CTSL: variants seen among roughly 807,000 people sequenced by gnomAD.
The protein encoded by CTSL is procathepsin L.
CTSL carries 23 observed loss-of-function variants against 34.7 expected under a neutral mutation model. That is an observed-to-expected ratio of 0.66 (90% CI 0.48 to 0.94). The LOEUF is 0.94. Ranked by LOEUF, CTSL falls within the 40% of genes least tolerant of loss-of-function variation. The pLI is 0.00. For synonymous variants in CTSL, 129 were observed against 136.7 expected, an observed-to-expected ratio of 0.94 and a Z score of 0.39; for missense variants, 361 against 406.3, an observed-to-expected ratio of 0.89 and a Z score of 0.96.
Position 87,730,388 on chromosome 9 carries a change from T to C in CTSL, c.792T>C (p.Tyr264=), listed in dbSNP as rs1436103234. 1 of 1,608,248 alleles carries C rather than the reference T, an allele frequency of 6.2e-7. No individual in the cohort carries two copies. Among genetic ancestry groups the C allele is most frequent in the Non-Finnish European group, 8.5e-7 (1 of 1,178,014 alleles). Residue 264 remains tyrosine, a synonymous_variant, in exon 7 of 8, where the codon TAT becomes TAC. Transcript: ENST00000343150. ...ESFLFYKEGI[Y]FEPDCSSEDM... is the part of the protein sequence containing the mutation. ...CTCATTTTACCATCCCAGGCATTTATTTTGAGCCAGACTGTAGCAGTGAAG... is the reference window on the plus strand; with the variant it reads ...CTCATTTTACCATCCCAGGCATTTACTTTGAGCCAGACTGTAGCAGTGAAG...
rs1046050407 is a variant in CTSL at position 87,726,134 on chromosome 9, G to C, written c.-275G>C. 1 of 152,310 alleles carries C rather than the reference G, an allele frequency of 6.6e-6. No individual in the cohort carries two copies. Among genetic ancestry groups the C allele is most frequent in the Non-Finnish European group, 1.5e-5 (1 of 68,126 alleles). 9.4% of individuals were successfully genotyped at this position (152,310 alleles called of 1,614,324 possible). A position where few individuals can be genotyped will look rare whatever the true frequency, so the allele number is the denominator to read the frequency against. ...AAGCTGGGCCAGAACCGCGACCTCC[G>C]CAACCTTGAGCGGCATCCGTGGAGT... On this transcript the variant is annotated 5_prime_UTR_variant, in exon 1 of 8. Coordinates refer to ENST00000343150, the MANE Select transcript of CTSL (RefSeq NM_001912.5).
rs1826239508 is a variant in CTSL at position 87,731,044 on chromosome 9, G to T, written c.939G>T (p.Lys313Asn). 6.2e-7 allele frequency: 1 copy of T among 1,613,992 alleles called. No individual in the cohort carries two copies. The highest frequency in any genetic ancestry group is 8.5e-7 in the Non-Finnish European group (1 of 1,180,000). ...GEEWGMGGYVKMAKDRRNHCG... is the reference protein window; with the variant it reads ...GEEWGMGGYVNMAKDRRNHCG... ...AATGGGGCATGGGTGGCTACGTAAA[G>T]ATGGCCAAAGACCGGAGAAACCATT... Residue 313 changes from lysine (K) to asparagine (N), a missense_variant, in exon 8 of 8, where the codon AAG (lysine) becomes AAT (asparagine). Lys to Asn is a moderately conservative substitution (Grantham distance 94, BLOSUM62 0). Coordinates refer to ENST00000343150, the MANE Select transcript of CTSL (RefSeq NM_001912.5).
chr9:87,726,688 G>A (rs1207763290), intron 1 of CTSL, among the ~76,000 whole-genome samples: 3 of 152,154 alleles, frequency 2.0e-5, no homozygotes, highest in Admixed American at 6.5e-5. Flanking sequence ...AATGAAGGAG[G>A]GAGCAGTGCG....
chr9:87,728,700 G>C lies in CTSL; in HGVS notation c.512G>C (p.Gly171Ala). ...LSEQNLVDCS[G>A]PQGNEGCNGG... is the part of the protein sequence containing the mutation. ...GAGCAGAATCTGGTAGACTGCTCTGGGCCTCAAGGCAATGAAGGCTGCAAT... is the reference window on the plus strand; with the variant it reads ...GAGCAGAATCTGGTAGACTGCTCTGCGCCTCAAGGCAATGAAGGCTGCAAT... Residue 171 changes from glycine (G) to alanine (A), a missense_variant, in exon 5 of 8, where the codon GGG becomes GCG. Transcript: ENST00000343150. 1 of 1,614,072 alleles carries C rather than the reference G, an allele frequency of 6.2e-7. No homozygotes were observed. Among genetic ancestry groups the C allele is most frequent in the Non-Finnish European group, 8.5e-7 (1 of 1,180,022 alleles).
In CTSL at chr9:87,728,046, G is replaced by C. The variant is rs1826094786; in HGVS notation, c.146G>C (p.Arg49Thr). 6.2e-7 allele frequency: 1 copy of C among 1,613,714 alleles called. No individual in the cohort carries two copies. The highest frequency in any genetic ancestry group is 1.7e-5 in the Admixed American group (1 of 59,990). ...LYGMNEEGWRRAVWEKNMKMI... is the reference protein window; with the variant it reads ...LYGMNEEGWRTAVWEKNMKMI... ...CTCTAGAATGAAGAAGGATGGAGGA[G>C]AGCAGTGTGGGAGAAGAACATGAAG... Residue 49 changes from arginine to threonine, a missense_variant, in exon 3 of 8, where the codon AGA becomes ACA. Arg to Thr is a moderately conservative substitution (Grantham distance 71, BLOSUM62 -1). Coordinates refer to ENST00000343150, the MANE Select transcript of CTSL (RefSeq NM_001912.5).
In CTSL at chr9:87,731,100, CTG is replaced by C; in HGVS notation, c.1000_1001del (p.Ter334SerfsTer42). ...ATTGCCTCAGCAGCCAGCTACCCCA[CTG>C]TGTGAGCTGGTGGACGGTGATGAGG... On this transcript the variant is annotated frameshift_variant, in exon 8 of 8. Coordinates refer to ENST00000343150, the MANE Select transcript of CTSL (RefSeq NM_001912.5). LOFTEE classifies it high-confidence loss of function. 6.2e-7 allele frequency: 1 copy of C among 1,613,186 alleles called. No individual in the cohort carries two copies. Among genetic ancestry groups the C allele is most frequent in the Non-Finnish European group, 8.5e-7 (1 of 1,179,304 alleles).
intron 6 of CTSL, 90 bp from the exon 7 acceptor site, chr9:87,730,289 CAG>C (rs1826207329): frequency 1.4e-6 from 1 of 721,232 alleles, no homozygotes; most frequent in Non-Finnish European, 2.3e-6. Flanking sequence ...TCACTGAATT[CAG>C]AGATGCCTCA....
chr9:87,726,858 CATGGTGAAACCCCGTCTCTACTGAAA>C, intron 1 of CTSL, among the ~76,000 whole-genome samples: 1 of 152,052 alleles, frequency 6.6e-6, no homozygotes, highest in Non-Finnish European at 1.5e-5. Flanking sequence ...GCCTGGCCAA[CATGGTGAAACCCCGTCTCTACTGAAA>C]ATACAAAATT....
At position 87,728,819 on chromosome 9, in the gene CTSL, G is replaced by A; in HGVS notation, c.621+10G>A. 6.2e-7 allele frequency: 1 copy of A among 1,614,194 alleles called. No individual in the cohort carries two copies. Among genetic ancestry groups the A allele is most frequent in the African/African-American group, 1.3e-5 (1 of 75,038 alleles). Reference sequence around the variant, plus strand: ...TCCATATGAGGCAACAGTAAGTGGAGCTCCTTGTCATCATTCCAGCTCAGC... The same window carrying A: ...TCCATATGAGGCAACAGTAAGTGGAACTCCTTGTCATCATTCCAGCTCAGC... On this transcript the variant is annotated intron_variant, in intron 5 of 7. Coordinates refer to ENST00000343150, the MANE Select transcript of CTSL (RefSeq NM_001912.5).
At position 87,728,343 on chromosome 9, in the gene CTSL, C is replaced by A. The variant is rs778182078; in HGVS notation, c.343C>A (p.Pro115Thr). 1.9e-6 allele frequency: 3 copies of A among 1,614,122 alleles called. No individual in the cohort carries two copies. Among genetic ancestry groups the A allele is most frequent in the Non-Finnish European group, 2.5e-6 (3 of 1,180,022 alleles). The change falls in exon 4 of 8, where the codon CCC becomes ACC. Residue 115 changes from proline (P) to threonine (T), a missense_variant. Transcript: ENST00000343150. ...CCAGGAACCTCTGTTTTATGAGGCCCCCAGATCTGTGGATTGGAGAGAGAA... is the reference window on the plus strand; with the variant it reads ...CCAGGAACCTCTGTTTTATGAGGCCACCAGATCTGTGGATTGGAGAGAGAA... ...VFQEPLFYEA[P>T]RSVDWREKGY...
intron 4 of CTSL, 47 bp from the exon 5 acceptor site, chr9:87,728,538 A>G: frequency 2.5e-6 from 4 of 1,586,208 alleles, no homozygotes; most frequent in Non-Finnish European, 3.4e-6. Flanking sequence ...TCAAAGTCTT[A>G]TTATTTTTTT....
At chr9:87,727,831 AC>A in intron 2 of CTSL, 102 bp downstream of exon 2, 5 of 1,468,410 alleles carry the variant, frequency 3.4e-6, no homozygotes, top group Middle Eastern at 3.5e-4. Context: ...TAATGTAATA[AC>A]CTAATGGCGT....
In CTSL at chr9:87,728,722, C is replaced by T; in HGVS notation, c.534C>T (p.Cys178=). 1 of 1,614,064 alleles carries T rather than the reference C, an allele frequency of 6.2e-7. No individual in the cohort carries two copies. Among genetic ancestry groups the T allele is most frequent in the Non-Finnish European group, 8.5e-7 (1 of 1,180,008 alleles). ...CTGGGCCTCAAGGCAATGAAGGCTG[C>T]AATGGTGGCCTAATGGATTATGCTT... The part of the protein sequence containing the change: ...DCSGPQGNEG[C]NGGLMDYAFQ... Residue 178 remains cysteine, a synonymous_variant, in exon 5 of 8, where the codon TGC becomes TGT. Coordinates refer to ENST00000343150, the MANE Select transcript of CTSL (RefSeq NM_001912.5).
Position 87,727,594 on chromosome 9 carries a change from G to C in CTSL, c.-10G>C. On this transcript the variant is annotated splice_region_variant and 5_prime_UTR_variant, in exon 2 of 8. Transcript: ENST00000343150. ...ATCCTCATTTTTGTTCCCTTCCTAG[G>C]TTTTAAAACATGAATCCTACACTCA... 1 of 1,613,894 alleles carries C rather than the reference G, an allele frequency of 6.2e-7. No homozygotes were observed. The highest frequency in any genetic ancestry group is 1.7e-5 in the Admixed American group (1 of 60,006).
At position 87,728,122 on chromosome 9, in the gene CTSL, A is replaced by T. The variant is rs139693523; in HGVS notation, c.222A>T (p.Thr74=). ...QEYREGKHSF[T]MAMNAFGDMT... is the part of the protein sequence containing the mutation. ...ACAGGGAAGGGAAACACAGCTTCAC[A>T]ATGGCCATGAACGCCTTTGGAGACA... is the stretch of plus-strand genomic sequence containing the variant. The change falls in exon 3 of 8, where the codon ACA becomes ACT. Residue 74 remains threonine, a synonymous_variant. Coordinates refer to ENST00000343150, the MANE Select transcript of CTSL (RefSeq NM_001912.5). 4.3e-5 allele frequency: 69 copies of T among 1,614,192 alleles called. 1 individual carries two copies. The African/African-American group carries it at 7.3e-4, about 17-fold the overall frequency.
At chr9:87,727,897 A>G (rs1826088642) in intron 2 of CTSL, 130 bp from the exon 3 acceptor site, 1 of 1,437,522 alleles carries the variant, frequency 7.0e-7, no homozygotes, top group East Asian at 2.3e-5. Flanking sequence ...TTTGGAGAAC[A>G]GCATCCCCAG....
rs1456705397 is a variant in CTSL, at chr9:87,731,403, C to T, written c.*296C>T. 1 of 219,366 alleles carries T rather than the reference C, an allele frequency of 4.6e-6. No homozygotes were observed. The highest frequency in any genetic ancestry group is 9.3e-5 in the East Asian group (1 of 10,778). The allele number at this position is 219,366 out of a possible 1,614,324, so 13.6% of individuals were successfully genotyped here. A position where few individuals can be genotyped will look rare whatever the true frequency, so the allele number is the denominator to read the frequency against. ...TTTAATTTCAAATGTAGTGGTGGGG[C>T]TTCTTTCTATTTTTGATGCACTGAA... On this transcript the variant is annotated 3_prime_UTR_variant, in exon 8 of 8. Transcript: ENST00000343150.
Position 87,731,003 on chromosome 9 carries a change from T to A in CTSL, c.903-5T>A. 1 of 1,613,524 alleles carries A rather than the reference T, an allele frequency of 6.2e-7. No individual in the cohort carries two copies. Among genetic ancestry groups the A allele is most frequent in the Non-Finnish European group, 8.5e-7 (1 of 1,179,568 alleles). ...TCTGAAATGGAAAACCTGCTCTTTT[T>A]TCAGCTGGGGTGAAGAATGGGGCAT... On this transcript the variant is annotated splice_region_variant and splice_polypyrimidine_tract_variant and intron_variant, in intron 7 of 7. Transcript: ENST00000343150.
rs1450679106 is a variant in CTSL, at chr9:87,728,283, T to C, written c.283T>C (p.Phe95Leu). ...SEEFRQVMNG[F>L]QNRKPRKGKV... ...AGAATTCAGGCAGGTGATGAATGGC[T>C]TTCAAAACCGTAAGCCCAGGAAGGG... Residue 95 changes from phenylalanine (F) to leucine (L), a missense_variant, in exon 4 of 8, where the codon TTT becomes CTT. Physicochemically the swap from Phe to Leu is conservative, Grantham distance 22 (BLOSUM62 0). Transcript: ENST00000343150. 6.2e-7 allele frequency: 1 copy of C among 1,614,076 alleles called. No homozygotes were observed. The highest frequency in any genetic ancestry group is 8.5e-7 in the Non-Finnish European group (1 of 1,180,040).
Sources: allele counts gnomAD v4.1 joint callset (sites outside exome capture counted in the v4.1 genomes callset), GRCh38; gene constraint gnomAD v4.1.1; transcripts MANE v1.5; gene names NCBI Gene and HGNC (gene_info 2026-07-23, HGNC 2026-07-21).